Variants in ABAT observed in about 807,000 individuals in gnomAD.
The protein encoded by ABAT is 4-aminobutyrate aminotransferase, also known as 4-aminobutyrate aminotransferase, mitochondrial.
ABAT carries 45 observed loss-of-function variants against 64.6 expected under a neutral mutation model. The observed-to-expected ratio is 0.70, with a 90% CI of 0.55 to 0.89. The LOEUF is 0.89. Ranked by LOEUF, ABAT falls within the 40% of genes least tolerant of loss-of-function variation. The probability of loss-of-function intolerance (pLI) is 0.00; values close to 1 mark genes in which losing one functional copy is unlikely to be tolerated. For synonymous variants in ABAT, 297 were observed against 250.5 expected (o/e 1.19, Z -1.75); for missense variants, 633 against 658.4 (o/e 0.96, Z 0.42).
At chr16:8,760,712 A>C (rs904785716) in intron 6 of ABAT, among the ~76,000 whole-genome samples, 2 of 152,256 alleles carry the variant, frequency 1.3e-5, no homozygotes, top group Admixed American at 1.3e-4. Context: ...CAACAAACAC[A>C]TCAGACACAT....
At chr16:8,731,616 T>C (rs1490199381) in intron 1 of ABAT, 1 of 151,888 alleles carries the variant, frequency 6.6e-6, no homozygotes, top group African/African-American at 2.4e-5. Flanking sequence ...ACCAATGTCT[T>C]TCCTGGATCA....
At chr16:8,774,202 A>C (rs2060201628) in intron 12 of ABAT, among the ~76,000 whole-genome samples, 1 of 152,086 alleles carries the variant, frequency 6.6e-6, no homozygotes, top group African/African-American at 2.4e-5. Context: ...AAAGTGCTGG[A>C]ATTACAGGTG....
In ABAT at chr16:8,741,243, G is replaced by A. The variant is rs77543472; in HGVS notation, c.71-4758G>A. The stretch of plus-strand genomic sequence containing the variant: ...TGATCATTCAGTATTAATTCAAACC[G>A]GTTTTTTGCATCTTTGTGATCATGA... On this transcript the variant is annotated intron_variant, in intron 2 of 15. Transcript: ENST00000268251. 8.0e-3 allele frequency among the ~76,000 whole-genome samples: 1,219 copies of A among 152,274 alleles called. 15 individuals carry two copies. Among genetic ancestry groups the A allele is most frequent in the Non-Finnish European group, 0.011 (755 of 68,028 alleles).
At chr16:8,733,273 T>TG (rs758309590) in intron 1 of ABAT, among the ~76,000 whole-genome samples, 33 of 147,428 alleles carry the variant, frequency 2.2e-4, no homozygotes, top group Non-Finnish European at 3.9e-4. Flanking sequence ...CTAGATGTGA[T>TG]GGCGGCCGGG....
intron 1 of ABAT, among the ~76,000 whole-genome samples, chr16:8,725,953 C>T (rs865999317): frequency 3.0e-4 from 46 of 152,228 alleles, no homozygotes; most frequent in Middle Eastern, 6.8e-3. Flanking sequence ...CTCAGTGACC[C>T]CAGCATCTCA....
intron 1 of ABAT, among the ~76,000 whole-genome samples, chr16:8,700,894 C>T (rs1415210619): frequency 3.9e-5 from 6 of 151,902 alleles, no homozygotes; most frequent in Non-Finnish European, 7.4e-5. Context: ...GCATGAGCCG[C>T]CATGCTGGCC....
At chr16:8,731,804 T>A (rs1258918390) in intron 1 of ABAT, among the ~76,000 whole-genome samples, 1 of 147,832 alleles carries the variant, frequency 6.8e-6, no homozygotes, top group Non-Finnish European at 1.5e-5. Context: ...ACAATGTCCT[T>A]TTTTCCCTTC....
chr16:8,732,136 AG>A (rs1299595345), intron 1 of ABAT, among the ~76,000 whole-genome samples: 2 of 150,544 alleles, frequency 1.3e-5, no homozygotes, highest in Non-Finnish European at 2.9e-5. Context: ...TAGAGGCATG[AG>A]TCACCATGCC....
chr16:8,693,567 C>T (rs2057633782), intron 1 of ABAT, among the ~76,000 whole-genome samples: 2 of 152,136 alleles, frequency 1.3e-5, no homozygotes, highest in South Asian at 4.1e-4. Flanking sequence ...CTCCCGGGTT[C>T]ACGTGATCCT....
rs2060265382 is a variant in ABAT at position 8,776,460 on chromosome 16, G to C, written c.1239G>C (p.Lys413Asn). 2 of 1,614,052 alleles carry C rather than the reference G, an allele frequency of 1.2e-6. No individual in the cohort carries two copies. Among genetic ancestry groups the C allele is most frequent in the Non-Finnish European group, 8.5e-7 (1 of 1,180,050 alleles). The part of the protein sequence containing the change: ...DLLNNAAHAG[K>N]ALLTGLLDLQ... Reference sequence around the variant, plus strand: ...TAAATAATGCAGCCCATGCCGGGAAGGCCCTGCTCACAGGACTGCTGGACC... The same window carrying C: ...TAAATAATGCAGCCCATGCCGGGAACGCCCTGCTCACAGGACTGCTGGACC... Residue 413 changes from lysine to asparagine, a missense_variant, in exon 14 of 16, where the codon AAG (lysine) becomes AAC (asparagine). Coordinates refer to ENST00000268251, the MANE Select transcript of ABAT (RefSeq NM_020686.6). This position sits in a 1 kb window ranked among gnomAD's most constrained non-coding sequence, Gnocchi z 4.4.
chr16:8,746,685 C>G (rs1007473762), intron 3 of ABAT, among the ~76,000 whole-genome samples: 1 of 151,488 alleles, frequency 6.6e-6, no homozygotes, highest in Non-Finnish European at 1.5e-5. Flanking sequence ...GCACTCCAAC[C>G]TGGGCAGCAG....
At chr16:8,761,091 C>CAAAAG (rs2059782752) in intron 6 of ABAT, among the ~76,000 whole-genome samples, 1 of 151,510 alleles carries the variant, frequency 6.6e-6, no homozygotes, top group South Asian at 2.1e-4. Flanking sequence ...CAAAACAAAA[C>CAAAAG]AAAACAAAAA....
rs549099869 is a variant in ABAT at position 8,733,431 on chromosome 16, G to A, written c.-41-2268G>A. Among the ~76,000 whole-genome samples, 231 of 151,946 alleles carry A rather than the reference G, an allele frequency of 1.5e-3. 1 individual carries two copies. The highest frequency in any genetic ancestry group is 5.3e-4 in the Non-Finnish European group (36 of 68,034). On this transcript the variant is annotated intron_variant, in intron 1 of 15. Coordinates refer to ENST00000268251, the MANE Select transcript of ABAT (RefSeq NM_020686.6). The stretch of plus-strand genomic sequence containing the variant: ...CGCTCCTCACTTCCCAGACGGGGTG[G>A]CGGCCGGGCAGAGGCTGCAATCTCG...
chr16:8,761,879 T>C (rs745867976), intron 6 of ABAT, among the ~76,000 whole-genome samples: 5 of 152,220 alleles, frequency 3.3e-5, no homozygotes, highest in Non-Finnish European at 4.4e-5. Context: ...CCACCATAAT[T>C]ACTTCATGTG....
intron 1 of ABAT, among the ~76,000 whole-genome samples, chr16:8,735,038 T>C (rs2058872237): frequency 1.5e-5 from 1 of 68,596 alleles, no homozygotes; most frequent in Non-Finnish European, 3.2e-5. Flanking sequence ...TGAAACCCCA[T>C]CTCTACTTAA....
intron 5 of ABAT, among the ~76,000 whole-genome samples, chr16:8,753,196 C>A (rs559528814): frequency 2.0e-5 from 3 of 151,274 alleles, no homozygotes; most frequent in Non-Finnish European, 2.9e-5. Flanking sequence ...TGGGTTCAAG[C>A]GATTCTCCTG....
In ABAT at chr16:8,768,844, C is replaced by G; in HGVS notation, c.687C>G (p.His229Gln). ...ACTCAGGTTGCTTAGCGACCACGCA[C>G]TCTAAAGCCATTCACAAGATCGACA... ...GRTMGCLATT[H>Q]SKAIHKIDIP... The change falls in exon 11 of 16, where the codon CAC (histidine) becomes CAG (glutamine). Residue 229 changes from histidine to glutamine, a missense_variant. His to Gln is a conservative substitution (Grantham distance 24). Transcript: ENST00000268251. 1 of 1,614,222 alleles carries G rather than the reference C, an allele frequency of 6.2e-7. No homozygotes were observed.
In ABAT at chr16:8,784,549, TA is replaced by T. The variant is rs1356421910; in HGVS notation, c.*3122del. On this transcript the variant is annotated 3_prime_UTR_variant, in exon 16 of 16. Coordinates refer to ENST00000268251, the MANE Select transcript of ABAT (RefSeq NM_020686.6). ...TGTTTCCTGTGTTAGTCAGTATTCTTAAATAAAATTTATAATTGAAACATGA... is the reference window on the plus strand; with the variant it reads ...TGTTTCCTGTGTTAGTCAGTATTCTTAATAAAATTTATAATTGAAACATGA... The T allele has an allele frequency of 6.6e-6, 1 of 152,238 alleles. No homozygotes were observed. Among genetic ancestry groups the T allele is most frequent in the East Asian group, 1.9e-4 (1 of 5,198 alleles). The allele number at this position is 152,238 out of a possible 1,614,324, so 9.4% of individuals were successfully genotyped here. A position where few individuals can be genotyped will look rare whatever the true frequency, so the allele number is the denominator to read the frequency against.
intron 1 of ABAT, among the ~76,000 whole-genome samples, chr16:8,706,230 T>C (rs550457557): frequency 1.5e-5 from 2 of 137,058 alleles, no homozygotes; most frequent in Non-Finnish European, 3.2e-5. Flanking sequence ...TCTGTCTCTA[T>C]AAAAAAAAAT....
Sources: allele counts gnomAD v4.1 joint callset (sites outside exome capture counted in the v4.1 genomes callset), GRCh38; gene constraint gnomAD v4.1.1; non-coding constraint Gnocchi (gnomAD v3.1); transcripts MANE v1.5; gene names NCBI Gene and HGNC (gene_info 2026-07-23, HGNC 2026-07-21).